The following DPP6 variants were observed in gnomAD, a reference collection of about 807,000 sequenced individuals.
DPP6 encodes the protein A-type potassium channel modulatory protein DPP6.
Under a neutral mutation model 122.6 loss-of-function variants are expected in DPP6, and 69 were observed. The observed-to-expected ratio is 0.56, with a 90% CI of 0.46 to 0.69. DPP6 has a LOEUF of 0.69. DPP6 is among the 30% of genes least tolerant of loss of function. DPP6 has a pLI of 0.00. For synonymous variants in DPP6, 418 were observed against 433.1 expected, an observed-to-expected ratio of 0.97 and a Z score of 0.43; for missense variants, 928 against 1,116.9, an observed-to-expected ratio of 0.83 and a Z score of 2.41.
chr7:153,987,544 A>G (rs999689902), intron 1 of DPP6, among the ~76,000 whole-genome samples: 4 of 147,206 alleles, frequency 2.7e-5, no homozygotes. Context: ...AGTGGGAAGA[A>G]ATGAATTCAA....
At chr7:153,805,610 C>T in the DPP6 span, among the ~76,000 whole-genome samples, 1 of 152,104 alleles carries the variant, frequency 6.6e-6, no homozygotes, top group East Asian at 1.9e-4. Context: ...GCCCAAATGT[C>T]CAACAATGAT....
chr7:154,853,845 T>C lies in DPP6; in HGVS notation c.1714+18T>C, dbSNP rs1802602333. 4 of 1,613,310 alleles carry C rather than the reference T, an allele frequency of 2.5e-6. No individual in the cohort carries two copies. The highest frequency in any genetic ancestry group is 1.1e-5 in the South Asian group (1 of 91,068). On this transcript the variant is annotated intron_variant, in intron 17 of 25. Coordinates refer to ENST00000377770, the MANE Select transcript of DPP6 (RefSeq NM_130797.4). ...TAAGAAAAGTAAGTGCTCTTTTTTTTCCTTAAATCTTCCTGAGACTCAGGA... is the reference window on the plus strand; with the variant it reads ...TAAGAAAAGTAAGTGCTCTTTTTTTCCCTTAAATCTTCCTGAGACTCAGGA...
intron 5 of DPP6, among the ~76,000 whole-genome samples, chr7:154,569,963 C>T (rs1415623224): frequency 1.3e-5 from 2 of 151,854 alleles, no homozygotes; most frequent in East Asian, 3.9e-4. Flanking sequence ...TTCTGTTTCT[C>T]AGTGGTGAAG....
intron 1 of DPP6, among the ~76,000 whole-genome samples, chr7:154,349,340 T>C (rs150051024): frequency 0.017 from 2,621 of 152,264 alleles, 72 homozygotes; most frequent in African/African-American, 0.059. Context: ...CACACCTGGC[T>C]AATTTTTGTA....
At chr7:154,210,871 C>A (rs1361593226) in intron 1 of DPP6, among the ~76,000 whole-genome samples, 1 of 151,918 alleles carries the variant, frequency 6.6e-6, no homozygotes, top group Non-Finnish European at 1.5e-5. Flanking sequence ...CAGCCGTAAT[C>A]GTTAGATGCC....
chr7:154,866,769 C>A (rs1803908383), intron 17 of DPP6, among the ~76,000 whole-genome samples: 1 of 152,174 alleles, frequency 6.6e-6, no homozygotes. Flanking sequence ...CAGCAACTTG[C>A]AAGTCATTTT....
At chr7:154,749,837 A>C (rs1442143003) in intron 8 of DPP6, among the ~76,000 whole-genome samples, 1 of 127,526 alleles carries the variant, frequency 7.8e-6, no homozygotes, top group African/African-American at 3.1e-5. Context: ...AGTGTGAGGA[A>C]GCATAGGACG....
intron 1 of DPP6, among the ~76,000 whole-genome samples, chr7:154,083,599 G>A (rs190840649): frequency 1.6e-3 from 236 of 150,698 alleles, no homozygotes; most frequent in African/African-American, 5.5e-3. Flanking sequence ...CTGAGGTCTA[G>A]GTATAGATGG....
intron 1 of DPP6, among the ~76,000 whole-genome samples, chr7:153,909,226 A>G (rs998677171): frequency 1.3e-5 from 2 of 152,154 alleles, no homozygotes; most frequent in Admixed American, 6.5e-5. Context: ...CTGGGCAGGA[A>G]GATAGGTGTG....
intron 1 of DPP6, among the ~76,000 whole-genome samples, chr7:154,013,458 CTT>C (rs776460630): frequency 8.6e-5 from 11 of 127,316 alleles, no homozygotes; most frequent in South Asian, 2.5e-4. Context: ...GGTTTCTTTT[CTT>C]TTTTTTTTTT....
intron 1 of DPP6, among the ~76,000 whole-genome samples, chr7:154,080,804 G>T (rs1337245054): frequency 6.6e-6 from 1 of 152,148 alleles, no homozygotes; most frequent in African/African-American, 2.4e-5. Flanking sequence ...AAGCTAACTG[G>T]CTGGTAGGTC....
chr7:153,799,748 C>G, the DPP6 span, among the ~76,000 whole-genome samples: 6 of 152,148 alleles, frequency 3.9e-5, no homozygotes, highest in Non-Finnish European at 8.8e-5. Flanking sequence ...TGTTTACACT[C>G]TTGAGACTGA....
rs569461155 is a variant in DPP6 at position 154,298,181 on chromosome 7, G to A, written c.244-148033G>A. Among the ~76,000 whole-genome samples the A allele has an allele frequency of 3.3e-5, 5 of 152,082 alleles. No individual in the cohort carries two copies. The South Asian group carries it at 1.0e-3, about 32-fold the overall frequency. The stretch of plus-strand genomic sequence containing the variant: ...TGAGCCACCATCCCAACTCTTCCCC[G>A]GGTTTCCAGCCAGCTGCCCTGCCCT... On this transcript the variant is annotated intron_variant, in intron 1 of 25. Transcript: ENST00000377770.
chr7:154,654,213 G>T (rs1031036341), intron 6 of DPP6, among the ~76,000 whole-genome samples: 1 of 151,840 alleles, frequency 6.6e-6, no homozygotes, highest in Non-Finnish European at 1.5e-5. Context: ...GTATCTGCAG[G>T]GGTGTCCCGG....
At chr7:154,633,794 G>T (rs1835551628) in intron 5 of DPP6, among the ~76,000 whole-genome samples, 1 of 152,058 alleles carries the variant, frequency 6.6e-6, no homozygotes, top group Admixed American at 6.6e-5. Flanking sequence ...CTTCATCTTG[G>T]AGCAAGGAGA....
intron 3 of DPP6, among the ~76,000 whole-genome samples, chr7:154,493,959 C>G (rs1249170476): frequency 6.6e-6 from 1 of 152,030 alleles, no homozygotes; most frequent in Non-Finnish European, 1.5e-5. Flanking sequence ...TAAGATAAGC[C>G]AAGAAGTAAG....
chr7:154,758,627 C>A (rs1307635535), intron 8 of DPP6, among the ~76,000 whole-genome samples: 3 of 152,172 alleles, frequency 2.0e-5, no homozygotes, highest in Non-Finnish European at 4.4e-5. Context: ...TCTCCTCAGC[C>A]TCCCAAAGTG....
At chr7:154,266,566 G>A (rs1263717970) in intron 1 of DPP6, among the ~76,000 whole-genome samples, 1 of 152,186 alleles carries the variant, frequency 6.6e-6, no homozygotes, top group Non-Finnish European at 1.5e-5. Context: ...GTGACAGAGC[G>A]AGATTCTGTC....
At chr7:154,346,960 A>T (rs1419306029) in intron 1 of DPP6, among the ~76,000 whole-genome samples, 1 of 151,988 alleles carries the variant, frequency 6.6e-6, no homozygotes, top group Non-Finnish European at 1.5e-5. Flanking sequence ...TACTCTAGAG[A>T]TGGATGTGAG....
Sources: gnomAD v4.1 joint callset for allele counts (sites outside exome capture counted in the v4.1 genomes callset) on GRCh38, gnomAD v4.1.1 for gene constraint, MANE v1.5 for transcripts, NCBI Gene and HGNC (gene_info 2026-07-23, HGNC 2026-07-21) for gene names.